The following ROBO2 variants were observed in gnomAD, a reference collection of about 807,000 sequenced individuals.
ROBO2 encodes roundabout guidance receptor 2.
A neutral mutation model predicts 160.8 loss-of-function variants in ROBO2; 53 were observed. The ratio of observed to expected loss-of-function variants is 0.33; its 90% CI spans 0.26 to 0.41. The LOEUF is 0.41. ROBO2 is among the 10% of genes least tolerant of loss of function. The probability of loss-of-function intolerance (pLI) is 1.00; values close to 1 mark genes in which losing one functional copy is unlikely to be tolerated. For synonymous variants in ROBO2, 664 were observed against 611.7 expected (o/e 1.09, Z -1.26); for missense variants, 1,577 against 1,722.4 (o/e 0.92, Z 1.49).
rs2092999491 is a variant in ROBO2 at position 76,699,376 on chromosome 3, C to T, written c.110-398638C>T. ...CTTAGTTTAGGGGAAGGGAATTTTC[C>T]CCACCATATCAGACTTCTCCAGGCA... On this transcript the variant is annotated intron_variant, in intron 2 of 26. Coordinates refer to the ROBO2 transcript ENST00000487694. 2.0e-5 allele frequency among the ~76,000 whole-genome samples: 3 copies of T among 152,076 alleles called. No individual in the cohort carries two copies. The South Asian group carries it at 6.2e-4, about 32-fold the overall frequency.
At chr3:76,213,259 G>T (rs1703266989) in intron 2 of ROBO2, among the ~76,000 whole-genome samples, 1 of 151,752 alleles carries the variant, frequency 6.6e-6, no homozygotes, top group Admixed American at 6.6e-5. Context: ...TAGTAAACAA[G>T]AAAAAGAATC....
chr3:77,367,166 G>A (rs989197960), intron 2 of ROBO2, among the ~76,000 whole-genome samples: 1 of 152,142 alleles, frequency 6.6e-6, no homozygotes, highest in East Asian at 1.9e-4. Flanking sequence ...CATTGGAACT[G>A]CAAGACCACC....
At chr3:76,788,180 C>T (rs1459625469) in intron 2 of ROBO2, among the ~76,000 whole-genome samples, 1 of 151,168 alleles carries the variant, frequency 6.6e-6, no homozygotes, top group African/African-American at 2.4e-5. Context: ...ACCTAGAATA[C>T]ACCAGGCAAA....
At chr3:76,386,357 C>CCCTT (rs74266990) in intron 2 of ROBO2, among the ~76,000 whole-genome samples, 2 of 126,078 alleles carry the variant, frequency 1.6e-5, no homozygotes, top group Admixed American at 1.7e-4. Flanking sequence ...CTCCCTCCCT[C>CCCTT]CCTTCCTTCC....
chr3:76,124,331 C>T (rs2070879234), intron 2 of ROBO2, among the ~76,000 whole-genome samples: 1 of 151,812 alleles, frequency 6.6e-6, no homozygotes, highest in South Asian at 2.1e-4. Context: ...TGAGTTTCAC[C>T]AGGATTTTTT....
intron 2 of ROBO2, among the ~76,000 whole-genome samples, chr3:76,123,633 C>G (rs1462543575): frequency 6.6e-6 from 1 of 152,128 alleles, no homozygotes; most frequent in Non-Finnish European, 1.5e-5. Context: ...TCTCCTGTCA[C>G]TAGTTAGTAT....
intron 2 of ROBO2, among the ~76,000 whole-genome samples, chr3:77,334,771 A>G (rs749046804): frequency 2.0e-5 from 3 of 152,114 alleles, no homozygotes; most frequent in East Asian, 3.9e-4. Flanking sequence ...GTGAGATACA[A>G]ATCTGCCACT....
intron 2 of ROBO2, among the ~76,000 whole-genome samples, chr3:76,720,096 A>T (rs2093441976): frequency 6.6e-6 from 1 of 152,176 alleles, no homozygotes; most frequent in Admixed American, 6.5e-5. Flanking sequence ...GAGATTCAGT[A>T]ATAACAGCAG....
chr3:76,386,939 A>G (rs781206820), intron 2 of ROBO2, among the ~76,000 whole-genome samples: 1 of 152,194 alleles, frequency 6.6e-6, no homozygotes, highest in African/African-American at 2.4e-5. Context: ...CTTAAAAAGC[A>G]GGTGGGAGGG....
chr3:76,636,768 T>G (rs1053525648), intron 2 of ROBO2, among the ~76,000 whole-genome samples: 1 of 152,156 alleles, frequency 6.6e-6, no homozygotes, highest in Non-Finnish European at 1.5e-5. Context: ...TTCAGAGTGG[T>G]GCTCCTAATG....
chr3:77,162,919 T>A (rs887650098), intron 2 of ROBO2, among the ~76,000 whole-genome samples: 1 of 152,124 alleles, frequency 6.6e-6, no homozygotes, highest in Non-Finnish European at 1.5e-5. Flanking sequence ...AACCTTGGCC[T>A]CCTGGGTTCA....
chr3:77,509,509 T>C (rs1257151199), intron 5 of ROBO2, among the ~76,000 whole-genome samples: 1 of 152,030 alleles, frequency 6.6e-6, no homozygotes, highest in Non-Finnish European at 1.5e-5. Flanking sequence ...GTGTTAATTG[T>C]GTTAATATTC....
At chr3:76,435,926 C>A (rs1559941151) in intron 2 of ROBO2, among the ~76,000 whole-genome samples, 1 of 152,212 alleles carries the variant, frequency 6.6e-6, no homozygotes, top group East Asian at 1.9e-4. Context: ...TGCACTGGAC[C>A]AAAGGCTGAG....
Position 76,084,749 on chromosome 3 carries a change from C to G in ROBO2, c.109+147147C>G, listed in dbSNP as rs972918410. ...TTTCTTTTGTATCTACATACACTGA[C>G]AGAAGAATTACCACCTTACAGAATG... On this transcript the variant is annotated intron_variant, in intron 2 of 26. Coordinates refer to the ROBO2 transcript ENST00000487694. Among the ~76,000 whole-genome samples the G allele has an allele frequency of 1.2e-4, 18 of 152,156 alleles. No individual in the cohort carries two copies. In the East Asian group the frequency reaches 3.5e-3, roughly 29 times the overall value.
chr3:75,950,639 G>C (rs569842181), intron 2 of ROBO2, among the ~76,000 whole-genome samples: 3 of 152,000 alleles, frequency 2.0e-5, no homozygotes, highest in African/African-American at 7.2e-5. Context: ...TTATAATGTT[G>C]ATGAGAAAAA....
At chr3:77,141,980 A>T (rs77599287) in intron 2 of ROBO2, among the ~76,000 whole-genome samples, 1 of 152,178 alleles carries the variant, frequency 6.6e-6, no homozygotes, top group Non-Finnish European at 1.5e-5. Context: ...CTGCATACTC[A>T]ATTAAAAATA....
chr3:76,256,045 C>A (rs1198686386), intron 2 of ROBO2, among the ~76,000 whole-genome samples: 4 of 151,594 alleles, frequency 2.6e-5, no homozygotes, highest in East Asian at 1.9e-4. Context: ...ACGCCTGTAA[C>A]CCCAGCACTT....
chr3:76,506,055 C>T (rs1268282419), intron 2 of ROBO2, among the ~76,000 whole-genome samples: 1 of 152,176 alleles, frequency 6.6e-6, no homozygotes, highest in Admixed American at 6.5e-5. Flanking sequence ...TGAGCACCTG[C>T]ATTCTTCACT....
Position 77,002,659 on chromosome 3 carries a change from C to A in ROBO2, c.110-95355C>A, listed in dbSNP as rs985584951. Among the ~76,000 whole-genome samples the A allele has an allele frequency of 3.9e-4, 59 of 152,126 alleles. 1 individual carries two copies. The highest frequency in any genetic ancestry group is 2.6e-4 in the Non-Finnish European group (18 of 67,940). On this transcript the variant is annotated intron_variant, in intron 2 of 26. Coordinates refer to the ROBO2 transcript ENST00000487694. ...TGAAATTTTTAATCTTGTCTAAACA[C>A]TGGCAAATAATTTCAATTTGGATTT...
Sources: allele counts gnomAD v4.1 joint callset (sites outside exome capture counted in the v4.1 genomes callset), GRCh38; gene constraint gnomAD v4.1.1; transcripts MANE v1.5; gene names NCBI Gene and HGNC (gene_info 2026-07-23, HGNC 2026-07-21).